The following DPP6 variants were observed in gnomAD, a reference collection of about 807,000 sequenced individuals.
The protein encoded by DPP6 is dipeptidyl peptidase like 6, also known as A-type potassium channel modulatory protein DPP6.
DPP6 carries 69 observed loss-of-function variants against 122.6 expected under a neutral mutation model. The observed-to-expected ratio is 0.56, with a 90% CI of 0.46 to 0.69. DPP6 has a LOEUF of 0.69. DPP6 is among the 30% of genes least tolerant of loss of function. DPP6 has a pLI of 0.00. For missense variants in DPP6, 928 were observed against 1,116.9 expected (o/e 0.83, Z 2.41); for synonymous variants, 418 against 433.1 (o/e 0.97, Z 0.43).
intron 1 of DPP6, among the ~76,000 whole-genome samples, chr7:154,413,786 A>C (rs1816806017): frequency 6.6e-6 from 1 of 152,196 alleles, no homozygotes; most frequent in South Asian, 2.1e-4. Flanking sequence ...GAGAATCAAA[A>C]TTCCCAGTGA....
rs571007995 is a variant in DPP6, at chr7:154,150,274, C to A, written c.243+97211C>A. ...GCTCCCTCTCTCATTTGGCAAGGCC[C>A]CCCACTTGCCCTCAGCACTTGGGCA... On this transcript the variant is annotated intron_variant, in intron 1 of 25. Transcript: ENST00000377770. Among the ~76,000 whole-genome samples the A allele has an allele frequency of 2.2e-3, 335 of 152,202 alleles. 1 individual carries two copies. Among genetic ancestry groups the A allele is most frequent in the African/African-American group, 7.6e-3 (316 of 41,522 alleles).
At chr7:153,902,143 C>T (rs546477880) in intron 1 of DPP6, among the ~76,000 whole-genome samples, 1 of 152,272 alleles carries the variant, frequency 6.6e-6, no homozygotes, top group Admixed American at 6.5e-5. Context: ...AGACAAGATG[C>T]TAAAAGATCA....
At chr7:154,394,188 C>T (rs576720432) in intron 1 of DPP6, among the ~76,000 whole-genome samples, 9 of 152,236 alleles carry the variant, frequency 5.9e-5, no homozygotes, top group Admixed American at 5.2e-4. Context: ...GCATCTCTAT[C>T]GTTTTACACT....
At chr7:154,578,486 GTAAGCAGGGGCTATTCGGGC>G (rs1227591177) in intron 5 of DPP6, among the ~76,000 whole-genome samples, 1 of 147,970 alleles carries the variant, frequency 6.8e-6, no homozygotes, top group Non-Finnish European at 1.5e-5. Flanking sequence ...GCGTGCAAGA[GTAAGCAGGGGCTATTCGGGC>G]TTGGCAGGGG....
rs1806625537 is a variant in DPP6, at chr7:154,112,037, A to G, written c.243+58974A>G. Among the ~76,000 whole-genome samples, 3 of 152,168 alleles carry G rather than the reference A, an allele frequency of 2.0e-5. No homozygotes were observed. The South Asian group carries it at 6.2e-4, about 32-fold the overall frequency. Reference sequence around the variant, plus strand: ...CCAATTTGCCCTCCTTTACTCTCCCAGATTCTCCTTGCATGTTGGCTGGAG... The same window carrying G: ...CCAATTTGCCCTCCTTTACTCTCCCGGATTCTCCTTGCATGTTGGCTGGAG... On this transcript the variant is annotated intron_variant, in intron 1 of 25. Coordinates refer to ENST00000377770, the MANE Select transcript of DPP6 (RefSeq NM_130797.4).
the DPP6 span, among the ~76,000 whole-genome samples, chr7:153,856,415 T>G: frequency 6.6e-6 from 1 of 152,242 alleles, no homozygotes; most frequent in Admixed American, 6.5e-5. Context: ...TCCATGACAT[T>G]TAAGAGGAGA....
chr7:154,180,631 G>A (rs1798036947), intron 1 of DPP6, among the ~76,000 whole-genome samples: 2 of 150,658 alleles, frequency 1.3e-5, no homozygotes, highest in Non-Finnish European at 2.9e-5. Flanking sequence ...TAAACACTTA[G>A]ATCCATGAAT....
At chr7:154,257,807 G>A (rs967802217) in intron 1 of DPP6, among the ~76,000 whole-genome samples, 1 of 152,232 alleles carries the variant, frequency 6.6e-6, no homozygotes, top group African/African-American at 2.4e-5. Flanking sequence ...CACTATTTGA[G>A]TAAGACAGCC....
In DPP6 at chr7:154,892,532, C is replaced by T. The variant is rs374885890; in HGVS notation, c.*52C>T. 2 of 1,537,940 alleles carry T rather than the reference C, an allele frequency of 1.3e-6. No individual in the cohort carries two copies. The highest frequency in any genetic ancestry group is 1.1e-5 in the South Asian group (1 of 89,216). Reference sequence around the variant, plus strand: ...GGCTCTTTCTACAACCAGATGCAACCGAGGGATTTCCCTGCCCTCCCTCTT... The same window carrying T: ...GGCTCTTTCTACAACCAGATGCAACTGAGGGATTTCCCTGCCCTCCCTCTT... On this transcript the variant is annotated 3_prime_UTR_variant, in exon 26 of 26. Transcript: ENST00000377770.
At chr7:154,358,630 A>G (rs1199497615) in intron 1 of DPP6, among the ~76,000 whole-genome samples, 1 of 152,186 alleles carries the variant, frequency 6.6e-6, no homozygotes, top group Non-Finnish European at 1.5e-5. Context: ...CCTTGCCTTC[A>G]CATAAGGTCA....
intron 7 of DPP6, among the ~76,000 whole-genome samples, chr7:154,723,886 G>A (rs1192415920): frequency 2.0e-5 from 3 of 152,158 alleles, no homozygotes; most frequent in Non-Finnish European, 4.4e-5. Context: ...TGCAGTCTGG[G>A]CTGCATCAGT....
Position 154,546,637 on chromosome 7 carries a change from T to C in DPP6, c.552+6011T>C, listed in dbSNP as rs181765738. ...AATGAAATGTATTTTCTCTAAGCTGTATCCTTCTTGGTTTTATATAATCAT... is the reference window on the plus strand; with the variant it reads ...AATGAAATGTATTTTCTCTAAGCTGCATCCTTCTTGGTTTTATATAATCAT... On this transcript the variant is annotated intron_variant, in intron 4 of 25. Coordinates refer to ENST00000377770, the MANE Select transcript of DPP6 (RefSeq NM_130797.4). Among the ~76,000 whole-genome samples the C allele has an allele frequency of 7.2e-5, 11 of 152,344 alleles. No individual in the cohort carries two copies. In the East Asian group the frequency reaches 2.1e-3, roughly 29 times the overall value.
chr7:154,159,885 G>T (rs902865431), intron 1 of DPP6, among the ~76,000 whole-genome samples: 28 of 151,704 alleles, frequency 1.8e-4, no homozygotes, highest in African/African-American at 6.3e-4. Flanking sequence ...AAGGCAGGAA[G>T]ATTTCTTCAG....
chr7:154,334,646 C>T (rs1001104286), intron 1 of DPP6, among the ~76,000 whole-genome samples: 1 of 152,196 alleles, frequency 6.6e-6, no homozygotes, highest in African/African-American at 2.4e-5. Flanking sequence ...CCTGTAATCC[C>T]AGCACTTTGG....
chr7:154,129,150 C>T (rs1261902457), intron 1 of DPP6, among the ~76,000 whole-genome samples: 1 of 151,982 alleles, frequency 6.6e-6, no homozygotes, highest in South Asian at 2.1e-4. Flanking sequence ...GAGGTCATCC[C>T]GTCCTGGAAA....
At position 154,656,996 on chromosome 7, in the gene DPP6, C is replaced by T. The variant is rs878867346; in HGVS notation, c.681-12364C>T. Among the ~76,000 whole-genome samples, 2 of 109,626 alleles carry T rather than the reference C, an allele frequency of 1.8e-5. 1 individual carries two copies. Among genetic ancestry groups the T allele is most frequent in the Non-Finnish European group, 3.6e-5 (2 of 55,442 alleles). The allele number at this position is 109,626 out of a possible 152,430, so 71.9% of individuals were successfully genotyped here. A position where few individuals can be genotyped will look rare whatever the true frequency, so the allele number is the denominator to read the frequency against. On this transcript the variant is annotated intron_variant, in intron 6 of 25. Transcript: ENST00000377770. Reference sequence around the variant, plus strand: ...TGCCCAGAGATGGGTGGAGAGGCTGCGTGGGAGGAGGTGCCCAGAGATGAG... The same window carrying T: ...TGCCCAGAGATGGGTGGAGAGGCTGTGTGGGAGGAGGTGCCCAGAGATGAG...
At chr7:153,983,203 C>T (rs1346958916) in intron 1 of DPP6, among the ~76,000 whole-genome samples, 1 of 152,204 alleles carries the variant, frequency 6.6e-6, no homozygotes, top group Non-Finnish European at 1.5e-5. Context: ...ATCTATATGC[C>T]CCTGACTGGG....
intron 3 of DPP6, among the ~76,000 whole-genome samples, chr7:154,507,859 T>C (rs1825778491): frequency 6.6e-6 from 1 of 152,204 alleles, no homozygotes; most frequent in Non-Finnish European, 1.5e-5. Context: ...GAATGTTCTA[T>C]GCTTGGGTTC....
the DPP6 span, among the ~76,000 whole-genome samples, chr7:153,880,571 T>A: frequency 3.3e-5 from 5 of 152,330 alleles, no homozygotes; most frequent in Non-Finnish European, 7.3e-5. Context: ...GTTGTGGTAT[T>A]GGCCTACACC....
Sources: allele counts gnomAD v4.1 joint callset (sites outside exome capture counted in the v4.1 genomes callset), GRCh38; gene constraint gnomAD v4.1.1; transcripts MANE v1.5; gene names NCBI Gene and HGNC (gene_info 2026-07-23, HGNC 2026-07-21).